The following CDK15 variants were observed in gnomAD, a reference collection of about 807,000 sequenced individuals.
CDK15 encodes cyclin-dependent kinase 15.
Under a neutral mutation model 60.3 loss-of-function variants are expected in CDK15, and 62 were observed. The ratio of observed to expected loss-of-function variants is 1.03; its 90% CI spans 0.84 to 1.27. CDK15 has a LOEUF of 1.27. CDK15 is among the 50% of genes most tolerant of loss of function. The pLI is 0.00. For missense variants in CDK15, 541 were observed against 527.8 expected, an observed-to-expected ratio of 1.03 and a Z score of -0.25; for synonymous variants, 194 against 195.7, an observed-to-expected ratio of 0.99 and a Z score of 0.07.
Position 201,882,396 on chromosome 2 carries a change from A to G in CDK15, c.1198+2229A>G, listed in dbSNP as rs1466367097. Among the ~76,000 whole-genome samples the G allele has an allele frequency of 6.6e-6, 1 of 152,166 alleles. No individual in the cohort carries two copies. Among genetic ancestry groups the G allele is most frequent in the African/African-American group, 2.4e-5 (1 of 41,444 alleles). The stretch of plus-strand genomic sequence containing the variant: ...GGGAAGTTGACTTTTCTTTATACAT[A>G]TAGGGGTTTTTCCATGCAGAGTTTA... On this transcript the variant is annotated intron_variant, in intron 12 of 13. Transcript: ENST00000652192. This position sits in a 1 kb window ranked among gnomAD's most constrained non-coding sequence, Gnocchi z 4.0.
chr2:201,853,508 A>G (rs1697998563), intron 9 of CDK15, among the ~76,000 whole-genome samples: 1 of 152,194 alleles, frequency 6.6e-6, no homozygotes, highest in Non-Finnish European at 1.5e-5. Context: ...ACTCCCTGCC[A>G]TAATAATTGG....
intron 11 of CDK15, among the ~76,000 whole-genome samples, chr2:201,876,055 A>C (rs1057119855): frequency 3.3e-5 from 5 of 152,224 alleles, no homozygotes; most frequent in African/African-American, 1.2e-4. Flanking sequence ...TAACATCACA[A>C]ACCTAAGAGT....
Position 201,854,943 on chromosome 2 carries a change from A to G in CDK15, c.1009+6A>G. On this transcript the variant is annotated splice_donor_region_variant and intron_variant, in intron 10 of 13. Coordinates refer to ENST00000652192, the MANE Select transcript of CDK15 (RefSeq NM_001366386.2). ...GCTACCTAACTACAATCCAGGTAAT[A>G]TTGATCTGAGCTTCTGAATACTCTG... 6.2e-7 allele frequency: 1 copy of G among 1,613,400 alleles called. No individual in the cohort carries two copies. Among genetic ancestry groups the G allele is most frequent in the Non-Finnish European group, 8.5e-7 (1 of 1,179,362 alleles).
intron 8 of CDK15, among the ~76,000 whole-genome samples, chr2:201,837,307 G>GAGAA (rs1559127181): frequency 7.1e-6 from 1 of 140,502 alleles, no homozygotes; most frequent in Non-Finnish European, 1.5e-5. Flanking sequence ...AAGAAACAGA[G>GAGAA]AGAGAGAGAG....
intron 4 of CDK15, among the ~76,000 whole-genome samples, chr2:201,821,795 C>T (rs995609190): frequency 2.6e-5 from 4 of 152,090 alleles, no homozygotes; most frequent in Admixed American, 6.6e-5. Context: ...CTCAGCTTCC[C>T]GAGTGGCTGG....
intron 9 of CDK15, 92 bp downstream of exon 9, chr2:201,847,566 G>A: frequency 9.8e-7 from 1 of 1,021,706 alleles, no homozygotes; most frequent in South Asian, 1.4e-5. Flanking sequence ...CAGTCCATCT[G>A]CTCTGAGATA....
intron 11 of CDK15, chr2:201,876,606 A>G (rs1277397594): frequency 2.3e-6 from 3 of 1,285,456 alleles, no homozygotes; most frequent in African/African-American, 1.5e-5. Flanking sequence ...TGCAGCAGTC[A>G]TAGTTCAGAG....
rs1231132920 is a variant in CDK15 at position 201,893,880 on chromosome 2, A to T, written c.*613A>T. ...GATTATCAGAACGTATTACCACCCA[A>T]CCCATATTTTAGAAGTTTGGATTTG... is the stretch of plus-strand genomic sequence containing the variant. On this transcript the variant is annotated 3_prime_UTR_variant, in exon 14 of 14. Transcript: ENST00000652192. 6.6e-6 allele frequency: 1 copy of T among 152,090 alleles called. No individual in the cohort carries two copies. The highest frequency in any genetic ancestry group is 1.5e-5 in the Non-Finnish European group (1 of 68,018). 9.4% of individuals were successfully genotyped at this position (152,090 alleles called of 1,614,324 possible).
intron 9 of CDK15, among the ~76,000 whole-genome samples, chr2:201,848,946 A>G (rs1294182628): frequency 1.3e-5 from 2 of 152,234 alleles, no homozygotes; most frequent in African/African-American, 4.8e-5. Context: ...ATCCAAGCCA[A>G]AAGACTTTTT....
At chr2:201,815,652 T>C (rs1028806813) in intron 4 of CDK15, among the ~76,000 whole-genome samples, 2 of 152,234 alleles carry the variant, frequency 1.3e-5, no homozygotes, top group Admixed American at 6.5e-5. Context: ...TGAAACTTTA[T>C]AGCAATATCT....
In CDK15 at chr2:201,894,113, A is replaced by ACACACC. The variant is rs1491380631; in HGVS notation, c.*847_*848insACACCC. On this transcript the variant is annotated 3_prime_UTR_variant, in exon 14 of 14. Transcript: ENST00000652192. ...CACACACACACACACACACACACAC[A>ACACACC]CCCCTCAAGTAAAATGAGAGATCTG... is the stretch of plus-strand genomic sequence containing the variant. 6.8e-4 allele frequency: 88 copies of ACACACC among 128,654 alleles called. 2 individuals carry two copies. Among genetic ancestry groups the ACACACC allele is most frequent in the African/African-American group, 2.3e-3 (84 of 35,862 alleles). 8.0% of individuals were successfully genotyped at this position (128,654 alleles called of 1,614,324 possible).
intron 11 of CDK15, 99 bp from the exon 12 acceptor site, chr2:201,879,929 G>A (rs1244729819): frequency 1.4e-6 from 2 of 1,444,066 alleles, no homozygotes; most frequent in East Asian, 2.4e-5. Context: ...TAAAATCTAA[G>A]TCTAGCCATC....
At chr2:201,871,267 C>T (rs1165945610) in intron 10 of CDK15, among the ~76,000 whole-genome samples, 5 of 152,064 alleles carry the variant, frequency 3.3e-5, no homozygotes, top group Non-Finnish European at 7.4e-5. Flanking sequence ...TCAGGTGATC[C>T]TCCCAGTTCA....
intron 10 of CDK15, among the ~76,000 whole-genome samples, chr2:201,857,020 G>A (rs1416467622): frequency 4.0e-5 from 2 of 50,354 alleles, no homozygotes; most frequent in East Asian, 3.3e-4. Context: ...TCAGGAGATC[G>A]AGACCATCCT....
chr2:201,861,534 GT>G (rs1012531999), intron 10 of CDK15: 5 of 714,304 alleles, frequency 7.0e-6, no homozygotes, highest in Non-Finnish European at 8.4e-6. Flanking sequence ...TTCCCATTCA[GT>G]TTTTTTTGTT....
chr2:201,836,057 A>ATATATTTATAT (rs1559126120), intron 8 of CDK15, among the ~76,000 whole-genome samples: 68 of 6,030 alleles, frequency 0.011, no homozygotes, highest in Middle Eastern at 0.056. Flanking sequence ...TTATATATAT[A>ATATATTTATAT]TTATATATAT....
chr2:201,823,665 C>G lies in CDK15; in HGVS notation c.544C>G (p.His182Asp). 6.2e-7 allele frequency: 1 copy of G among 1,613,564 alleles called. No homozygotes were observed. Among genetic ancestry groups the G allele is most frequent in the East Asian group, 2.2e-5 (1 of 44,868 alleles). ...TCTCTTTCTCCGCTGTTTTATTTAG[C>G]ACACAGACCTGGCCCAGTATATGTC... is the stretch of plus-strand genomic sequence containing the variant. ...ETLTFVFEYMHTDLAQYMSQH... is the reference protein window; with the variant it reads ...ETLTFVFEYMDTDLAQYMSQH... The change falls in exon 6 of 14, where the codon CAC (histidine) becomes GAC (aspartate). Residue 182 changes from histidine (H) to aspartate (D), a missense_variant and splice_region_variant. By Grantham distance (81) the His-to-Asp change is moderately conservative. Coordinates refer to ENST00000652192, the MANE Select transcript of CDK15 (RefSeq NM_001366386.2).
intron 6 of CDK15, among the ~76,000 whole-genome samples, chr2:201,829,689 G>A (rs1696663778): frequency 6.6e-6 from 1 of 152,160 alleles, no homozygotes; most frequent in Admixed American, 6.5e-5. Context: ...CTGTCAGTGG[G>A]TAAGATAGCT....
chr2:201,822,854 A>G lies in CDK15; in HGVS notation c.494A>G (p.His165Arg), dbSNP rs756240601. 4 of 1,613,426 alleles carry G rather than the reference A, an allele frequency of 2.5e-6. No homozygotes were observed. The African/African-American group carries it at 5.3e-5, about 22-fold the overall frequency. The change falls in exon 5 of 14, where the codon CAT becomes CGT. Residue 165 changes from histidine (H) to arginine (R), a missense_variant. Coordinates refer to ENST00000652192, the MANE Select transcript of CDK15 (RefSeq NM_001366386.2). ...GLKHANIVLL[H>R]DIIHTKETLT... ...AAACATGCCAATATTGTGCTCCTGC[A>G]TGACATAATCCACACCAAAGAGACA...
Sources: allele counts gnomAD v4.1 joint callset (sites outside exome capture counted in the v4.1 genomes callset), GRCh38; gene constraint gnomAD v4.1.1; non-coding constraint Gnocchi (gnomAD v3.1); transcripts MANE v1.5; gene names NCBI Gene and HGNC (gene_info 2026-07-23, HGNC 2026-07-21).